DUS3L: variants seen among roughly 807,000 people sequenced by gnomAD.
DUS3L encodes tRNA-dihydrouridine(47) synthase [NAD(P)(+)]-like.
Under a neutral mutation model 74.6 loss-of-function variants are expected in DUS3L, and 62 were observed. The observed-to-expected ratio is 0.83, with a 90% CI of 0.68 to 1.03. DUS3L has a LOEUF of 1.03. DUS3L is among the 50% of genes least tolerant of loss of function. The pLI is 0.00. For synonymous variants in DUS3L, 433 were observed against 395.7 expected, an observed-to-expected ratio of 1.09 and a Z score of -1.12; for missense variants, 884 against 924.4, an observed-to-expected ratio of 0.96 and a Z score of 0.57.
rs778109870 is a variant in DUS3L at position 5,789,517 on chromosome 19, G to A, written c.590C>T (p.Ala197Val). The change falls in exon 3 of 13, where the codon GCG becomes GTG. Residue 197 changes from alanine (A) to valine (V), a missense_variant. Ala to Val is a moderately conservative substitution (Grantham distance 64). Transcript: ENST00000309061. ...EGQNLVQEEL[A>V]ARGTQPPSIR... is the part of the protein sequence containing the mutation. ...GGACGGGGGCTGGGTCCCGCGGGCC[G>A]CCAACTCCTCCTGCACCAGGTTCTG... The A allele has an allele frequency of 2.5e-6, 4 of 1,604,360 alleles. No individual in the cohort carries two copies. Among genetic ancestry groups the A allele is most frequent in the Non-Finnish European group, 2.5e-6 (3 of 1,178,048 alleles).
rs747358731 is a variant in DUS3L at position 5,789,414 on chromosome 19, G to A, written c.693C>T (p.Ala231=). The A allele has an allele frequency of 3.8e-6, 6 of 1,596,482 alleles. No homozygotes were observed. The highest frequency in any genetic ancestry group is 1.3e-5 in the African/African-American group (1 of 74,762). The stretch of plus-strand genomic sequence containing the variant: ...TGGGGCCCTGGCTGAACCGGCGCAG[G>A]GCCTGCTCAGCTCGCTCGAAGCGGA... ...REVRFERAEQ[A]LRRFSQGPTP... is the part of the protein sequence containing the mutation. The change falls in exon 3 of 13, where the codon GCC becomes GCT. Residue 231 remains alanine, a synonymous_variant. Coordinates refer to ENST00000309061, the MANE Select transcript of DUS3L (RefSeq NM_020175.3).
intron 9 of DUS3L, 54 bp downstream of exon 9, chr19:5,786,695 T>C (rs2056845632): frequency 6.3e-7 from 1 of 1,591,574 alleles, no homozygotes; most frequent in Non-Finnish European, 8.6e-7. Context: ...AGCCCAGAGG[T>C]GTGAGTGACC....
At chr19:5,790,945 G>GCCCTCAGCCGCTGCCTAATCT (rs1478544119) in intron 1 of DUS3L, 99 bp downstream of exon 1, 1 of 1,204,870 alleles carries the variant, frequency 8.3e-7, no homozygotes, top group Non-Finnish European at 1.2e-6. Context: ...GTGGCTTCTC[G>GCCCTCAGCCGCTGCCTAATCT]CCCTCAGCCG....
intron 5 of DUS3L, 82 bp from the exon 6 acceptor site, chr19:5,787,787 G>T: frequency 1.3e-6 from 2 of 1,522,594 alleles, no homozygotes; most frequent in Non-Finnish European, 1.8e-6. Context: ...CCCACTGGGG[G>T]GCCCTGAGCC....
In DUS3L at chr19:5,787,084, C is replaced by A; in HGVS notation, c.1366G>T (p.Asp456Tyr). The A allele has an allele frequency of 6.6e-7, 1 of 1,521,610 alleles. No individual in the cohort carries two copies. The highest frequency in any genetic ancestry group is 1.2e-5 in the South Asian group (1 of 82,790). The allele number at this position is 1,521,610 out of a possible 1,614,324, so 94.3% of individuals were successfully genotyped here. Residue 456 changes from aspartate to tyrosine, a missense_variant, in exon 8 of 13, where the codon GAC (aspartate) becomes TAC (tyrosine). Coordinates refer to ENST00000309061, the MANE Select transcript of DUS3L (RefSeq NM_020175.3). ...LAHRLLPELR[D>Y]WGVALVTLHG... ...ACCGTGACGAGTGCCACGCCCCAGT[C>A]CCGCAGCTCGGGCAGCAGGCGGTGC...
chr19:5,786,761 T>G lies in DUS3L; in HGVS notation c.1474A>C (p.Met492Leu), dbSNP rs761251077. 17 of 1,611,228 alleles carry G rather than the reference T, an allele frequency of 1.1e-5. No individual in the cohort carries two copies. In the African/African-American group the frequency reaches 2.1e-4, roughly 20 times the overall value. The change falls in exon 9 of 13, where the codon ATG becomes CTG. Residue 492 changes from methionine (M) to leucine (L), a missense_variant. By Grantham distance (15) the Met-to-Leu change is conservative. Coordinates refer to ENST00000309061, the MANE Select transcript of DUS3L (RefSeq NM_020175.3). ...IEECVQAASP[M>L]PLFGNGDILS... ...CCGGAACACCCACCGAACAGGGGCA[T>G]GGGGCTGGCGGCCTGCACGCACTCC...
rs755490116 is a variant in DUS3L, at chr19:5,789,693, AC to A, written c.413del (p.Gly138ValfsTer38). ...IQESAAKCFFGDRCRFLHDVG... is the reference protein window; with the variant it reads ...IQESAAKCFFXDRCRFLHDVG... ...CGTCGTGCAGAAAGCGGCAGCGATCACCGAAGAAACACTTAGCAGCCGACTC... is the reference window on the plus strand; with the variant it reads ...CGTCGTGCAGAAAGCGGCAGCGATCACGAAGAAACACTTAGCAGCCGACTC... On this transcript the variant is annotated frameshift_variant, in exon 3 of 13. Coordinates refer to ENST00000309061, the MANE Select transcript of DUS3L (RefSeq NM_020175.3). LOFTEE classifies it high-confidence loss of function. The A allele has an allele frequency of 2.6e-5, 42 of 1,608,020 alleles. No individual in the cohort carries two copies. Among genetic ancestry groups the A allele is most frequent in the Non-Finnish European group, 3.6e-5 (42 of 1,178,242 alleles).
At chr19:5,789,028 C>CACTAGAGTGGG in intron 3 of DUS3L, 179 bp downstream of exon 3, 1 of 892,870 alleles carries the variant, frequency 1.1e-6, no homozygotes, top group Non-Finnish European at 1.6e-6. Context: ...TTTCTGTCCC[C>CACTAGAGTGGG]ACCTCCTGAG....
chr19:5,788,257 C>G, intron 4 of DUS3L, 81 bp from the exon 5 acceptor site: 5 of 1,609,488 alleles, frequency 3.1e-6, no homozygotes, highest in Non-Finnish European at 4.2e-6. Context: ...AATATGCGCC[C>G]CAGCCCCACA....
rs368838439 is a variant in DUS3L at position 5,787,619 on chromosome 19, G to A, written c.1182C>T (p.Val394=). ...TGTACACGAGGTCGATGGGGCAGCC[G>A]ACGTTGATGTCCACAAAGTCCACCT... ...TVEVDFVDIN[V]GCPIDLVYKK... Residue 394 remains valine, a synonymous_variant, in exon 6 of 13, where the codon GTC becomes GTT. Transcript: ENST00000309061. The A allele has an allele frequency of 1.4e-5, 22 of 1,613,604 alleles. 1 individual carries two copies. Among genetic ancestry groups the A allele is most frequent in the Admixed American group, 3.3e-5 (2 of 59,992 alleles).
Position 5,785,752 on chromosome 19 carries a change from C to T in DUS3L, c.1602G>A (p.Lys534=). Residue 534 remains lysine, a synonymous_variant, in exon 11 of 13, where the codon AAG becomes AAA. Transcript: ENST00000309061. ...ACGAGATGTCCCAGTGCCGCTGCTC[C>T]TTGATCTCCGTGAAGAGCCACGGCT... The part of the protein sequence containing the change: ...LLKPWLFTEI[K]EQRHWDISSS... 1.2e-6 allele frequency: 2 copies of T among 1,609,910 alleles called. No homozygotes were observed. Among genetic ancestry groups the T allele is most frequent in the Non-Finnish European group, 1.7e-6 (2 of 1,179,116 alleles).
intron 6 of DUS3L, 78 bp downstream of exon 6, chr19:5,787,511 T>G: frequency 6.4e-7 from 1 of 1,551,910 alleles, no homozygotes; most frequent in Non-Finnish European, 8.8e-7. Context: ...CCCCTGACCC[T>G]CCACCGAGAC....
rs753265305 is a variant in DUS3L at position 5,788,048 on chromosome 19, C to T, written c.1071G>A (p.Gln357=). 5.6e-6 allele frequency: 9 copies of T among 1,613,502 alleles called. No homozygotes were observed. The African/African-American group carries it at 1.2e-4, about 22-fold the overall frequency. Residue 357 remains glutamine (Q), a synonymous_variant, in exon 5 of 13, where the codon CAG becomes CAA. Coordinates refer to ENST00000309061, the MANE Select transcript of DUS3L (RefSeq NM_020175.3). ...CCTGGACGCCAAAGATGTCCTCACA[C>T]TGGTGGCGTTTGAGTAGGGCCCACT... The part of the protein sequence containing the change: ...MSEWALLKRH[Q]CEDIFGVQLE...
rs770634614 is a variant in DUS3L, at chr19:5,786,745, C to A, written c.1486+4G>T. On this transcript the variant is annotated splice_donor_region_variant and intron_variant, in intron 9 of 12. Coordinates refer to ENST00000309061, the MANE Select transcript of DUS3L (RefSeq NM_020175.3). ...AGAGGGAGGTGGCTTCCCGGAACAC[C>A]CACCGAACAGGGGCATGGGGCTGGC... is the stretch of plus-strand genomic sequence containing the variant. The A allele has an allele frequency of 1.2e-6, 2 of 1,610,612 alleles. No individual in the cohort carries two copies. Among genetic ancestry groups the A allele is most frequent in the Admixed American group, 3.3e-5 (2 of 59,822 alleles).
At chr19:5,788,256 C>T in intron 4 of DUS3L, 80 bp from the exon 5 acceptor site, 1 of 1,609,418 alleles carries the variant, frequency 6.2e-7, no homozygotes. Flanking sequence ...GAATATGCGC[C>T]CCAGCCCCAC....
rs753378246 is a variant in DUS3L at position 5,787,251 on chromosome 19, G to A, written c.1278+45C>T. ...TGGGAGGTGGTGGGAGACAGGGCCCGGGGGAGTTGTTTGGGAGCCAGTGCG... is the reference window on the plus strand; with the variant it reads ...TGGGAGGTGGTGGGAGACAGGGCCCAGGGGAGTTGTTTGGGAGCCAGTGCG... On this transcript the variant is annotated intron_variant, in intron 7 of 12. Transcript: ENST00000309061. 45 of 1,232,416 alleles carry A rather than the reference G, an allele frequency of 3.7e-5. No individual in the cohort carries two copies. The African/African-American group carries it at 4.1e-4, about 11-fold the overall frequency. The allele number at this position is 1,232,416 out of a possible 1,614,324, so 76.3% of individuals were successfully genotyped here. A position where few individuals can be genotyped will look rare whatever the true frequency, so the allele number is the denominator to read the frequency against.
At chr19:5,790,473 C>T in intron 1 of DUS3L, 138 bp from the exon 2 acceptor site, 1 of 1,023,146 alleles carries the variant, frequency 9.8e-7, no homozygotes, top group Non-Finnish European at 1.4e-6. Context: ...CAGCTCCCAG[C>T]CTGGGAGCCC....
chr19:5,789,488 G>T lies in DUS3L; in HGVS notation c.619C>A (p.Arg207Ser). The T allele has an allele frequency of 6.2e-7, 1 of 1,604,508 alleles. No individual in the cohort carries two copies. Among genetic ancestry groups the T allele is most frequent in the Admixed American group, 1.7e-5 (1 of 59,738 alleles). Reference sequence around the variant, plus strand: ...TGCAGGGCTTTGTCCAGGCCGTTGCGGATGGACGGGGGCTGGGTCCCGCGG... The same window carrying T: ...TGCAGGGCTTTGTCCAGGCCGTTGCTGATGGACGGGGGCTGGGTCCCGCGG... Reference protein sequence around the residue: ...AARGTQPPSIRNGLDKALQQQ... With the variant: ...AARGTQPPSISNGLDKALQQQ... The change falls in exon 3 of 13, where the codon CGC (arginine) becomes AGC (serine). Residue 207 changes from arginine (R) to serine (S), a missense_variant. By Grantham distance (110) the Arg-to-Ser change is moderately radical (BLOSUM62 -1). Transcript: ENST00000309061.
In DUS3L at chr19:5,789,668, C is replaced by A; in HGVS notation, c.439G>T (p.Val147Leu). 1 of 1,609,514 alleles carries A rather than the reference C, an allele frequency of 6.2e-7. No individual in the cohort carries two copies. Among genetic ancestry groups the A allele is most frequent in the East Asian group, 2.2e-5 (1 of 44,724 alleles). ...GGCTTGGTCTCCAGGTAGCGCCCCACGTCGTGCAGAAAGCGGCAGCGATCA... is the reference window on the plus strand; with the variant it reads ...GGCTTGGTCTCCAGGTAGCGCCCCAAGTCGTGCAGAAAGCGGCAGCGATCA... ...FGDRCRFLHD[V>L]GRYLETKPAD... Residue 147 changes from valine (V) to leucine (L), a missense_variant, in exon 3 of 13, where the codon GTG becomes TTG. Val to Leu is a conservative substitution (Grantham distance 32). Transcript: ENST00000309061.
Sources: allele counts gnomAD v4.1 joint callset, GRCh38; gene constraint gnomAD v4.1.1; transcripts MANE v1.5; gene names NCBI Gene and HGNC (gene_info 2026-07-23, HGNC 2026-07-21).